Variants in GRAMD1B observed in about 807,000 individuals in gnomAD.
GRAMD1B encodes the protein GRAM domain containing 1B.
GRAMD1B carries 37 observed loss-of-function variants against 99.7 expected under a neutral mutation model. That is an observed-to-expected ratio of 0.37 (90% CI 0.29 to 0.49). GRAMD1B has a LOEUF of 0.49. Among genes scored for constraint, GRAMD1B ranks in the 20% least tolerant of loss-of-function variants. The pLI is 0.98. For synonymous variants in GRAMD1B, 427 were observed against 387.6 expected (o/e 1.10, Z -1.19); for missense variants, 888 against 1,009.2 (o/e 0.88, Z 1.63).
chr11:123,543,616 A>G (rs1324911383), intron 2 of GRAMD1B, among the ~76,000 whole-genome samples: 1 of 152,260 alleles, frequency 6.6e-6, no homozygotes, highest in Non-Finnish European at 1.5e-5. Flanking sequence ...AAGTCAGTGC[A>G]GTTGGCTGGT....
intron 2 of GRAMD1B, among the ~76,000 whole-genome samples, chr11:123,529,292 T>C (rs1167559091): frequency 1.3e-5 from 2 of 152,154 alleles, no homozygotes. Flanking sequence ...GTAATTGAAA[T>C]GTGAGGGAGG....
In GRAMD1B at chr11:123,462,305, G is replaced by A. The variant is rs187841112; in HGVS notation, c.375-18511G>A. On this transcript the variant is annotated intron_variant, in intron 1 of 19. Coordinates refer to ENST00000635736, the MANE Select transcript of GRAMD1B (RefSeq NM_001387025.1). ...TTTCTATGGTTTCACCTGTGGCTTT[G>A]TGACCTCAGTGGCAGGTGCCATCCC... Among the ~76,000 whole-genome samples, 37 of 152,280 alleles carry A rather than the reference G, an allele frequency of 2.4e-4. No individual in the cohort carries two copies. In the East Asian group the frequency reaches 5.4e-3, roughly 22 times the overall value.
chr11:123,413,986 G>A (rs1948140895), intron 1 of GRAMD1B, among the ~76,000 whole-genome samples: 1 of 151,970 alleles, frequency 6.6e-6, no homozygotes, highest in East Asian at 1.9e-4. Context: ...CTGTACAGTG[G>A]ATGATCTCAG....
chr11:123,578,316 C>A, intron 3 of GRAMD1B: 1 of 1,065,888 alleles, frequency 9.4e-7, no homozygotes. Flanking sequence ...TGGGAGCTGG[C>A]TTCCCACTTG....
chr11:123,446,004 A>G (rs1034888206), intron 1 of GRAMD1B, among the ~76,000 whole-genome samples: 1 of 152,210 alleles, frequency 6.6e-6, no homozygotes, highest in Non-Finnish European at 1.5e-5. Context: ...TGTTTTGTGA[A>G]GATGGAAGAA....
At chr11:123,584,288 T>G in intron 3 of GRAMD1B, 24 bp from the exon 4 acceptor site, 1 of 933,376 alleles carries the variant, frequency 1.1e-6, no homozygotes, top group Non-Finnish European at 1.4e-6. Context: ...TAATTCTACC[T>G]TCTCTTTCAT....
rs1953351988 is a variant in GRAMD1B at position 123,610,212 on chromosome 11, G to T, written c.1793G>T (p.Ser598Ile). 1.2e-6 allele frequency: 2 copies of T among 1,613,822 alleles called. No individual in the cohort carries two copies. Among genetic ancestry groups the T allele is most frequent in the African/African-American group, 2.7e-5 (2 of 74,904 alleles). ...VRETQTMYKA[S>I]QESECYVIDA... ...TGCCCGCAGACCATGTACAAGGCGA[G>T]CCAGGAGAGTGAATGTTACGTGATA... Residue 598 changes from serine (S) to isoleucine (I), a missense_variant, in exon 14 of 20, where the codon AGC becomes ATC. Physicochemically the swap from Ser to Ile is moderately radical, Grantham distance 142 (BLOSUM62 -2). This residue lies in a region of GRAMD1B where 92 missense variants were observed against 156.9 expected (regional missense o/e 0.59). Coordinates refer to ENST00000635736, the MANE Select transcript of GRAMD1B (RefSeq NM_001387025.1). This position sits in a 1 kb window ranked among gnomAD's most constrained non-coding sequence, Gnocchi z 4.1.
At position 123,471,384 on chromosome 11, in the gene GRAMD1B, A is replaced by G. The variant is rs577606937; in HGVS notation, c.375-9432A>G. ...ATACCCAGTATCTAGATTCTAGAAC[A>G]ATGCTTAGTACATAGTTGATGCTTG... On this transcript the variant is annotated intron_variant, in intron 1 of 19. Coordinates refer to ENST00000635736, the MANE Select transcript of GRAMD1B (RefSeq NM_001387025.1). 2.0e-4 allele frequency among the ~76,000 whole-genome samples: 30 copies of G among 152,344 alleles called. 1 individual carries two copies. In the South Asian group the frequency reaches 6.2e-3, roughly 32 times the overall value.
intron 2 of GRAMD1B, among the ~76,000 whole-genome samples, chr11:123,536,181 G>A (rs1033468379): frequency 2.6e-5 from 4 of 152,164 alleles, no homozygotes; most frequent in African/African-American, 9.7e-5. Flanking sequence ...TTGGGAGGCT[G>A]GGGCAGGTGG....
chr11:123,394,549 A>G (rs954883144), intron 1 of GRAMD1B, among the ~76,000 whole-genome samples: 1 of 145,838 alleles, frequency 6.9e-6, no homozygotes, highest in South Asian at 2.1e-4. Flanking sequence ...TCTTTCTCCC[A>G]TCTCTCTTCT....
chr11:123,415,095 CTTTTTTTTTTT>C (rs1175202539), intron 1 of GRAMD1B, among the ~76,000 whole-genome samples: 3 of 75,832 alleles, frequency 4.0e-5, no homozygotes, highest in African/African-American at 5.3e-5. Flanking sequence ...CTTTTTCTTT[CTTTTTTTTTTT>C]TTTTTTTTTT....
rs118000101 is a variant in GRAMD1B at position 123,431,015 on chromosome 11, C to T, written c.223C>T (p.Leu75=). 258 of 702,996 alleles carry T rather than the reference C, an allele frequency of 3.7e-4. 4 individuals carry two copies. The East Asian group carries it at 6.9e-3, about 19-fold the overall frequency. The allele number at this position is 702,996 out of a possible 1,614,324, so 43.5% of individuals were successfully genotyped here. ...PAVLAPGKEF[L]QLPSIEITPS... Reference sequence around the variant, plus strand: ...CGTCTTGGCCCCCGGCAAGGAGTTCCTGCAGCTGCCGTCCATCGAGATCAC... The same window carrying T: ...CGTCTTGGCCCCCGGCAAGGAGTTCTTGCAGCTGCCGTCCATCGAGATCAC... Residue 75 remains leucine, a synonymous_variant, in exon 1 of 20, where the codon CTG becomes TTG. Coordinates refer to ENST00000635736, the MANE Select transcript of GRAMD1B (RefSeq NM_001387025.1).
At chr11:123,461,022 A>G (rs1345775650) in intron 1 of GRAMD1B, among the ~76,000 whole-genome samples, 1 of 152,036 alleles carries the variant, frequency 6.6e-6, no homozygotes, top group Non-Finnish European at 1.5e-5. Flanking sequence ...TTGGCTTTTT[A>G]AGAGGTTTGG....
chr11:123,450,479 G>A (rs997469314), intron 1 of GRAMD1B, among the ~76,000 whole-genome samples: 3 of 152,156 alleles, frequency 2.0e-5, no homozygotes, highest in Admixed American at 1.3e-4. Context: ...GCCCTACAGG[G>A]GCTTCTCTAG....
At chr11:123,543,174 G>A (rs994556957) in intron 2 of GRAMD1B, among the ~76,000 whole-genome samples, 1 of 152,146 alleles carries the variant, frequency 6.6e-6, no homozygotes, top group Non-Finnish European at 1.5e-5. Flanking sequence ...ACACATCTCA[G>A]AGAGCCTTCT....
chr11:123,592,129 T>C (rs554500308), intron 4 of GRAMD1B, among the ~76,000 whole-genome samples: 1 of 152,170 alleles, frequency 6.6e-6, no homozygotes, highest in African/African-American at 2.4e-5. Flanking sequence ...GTGTTTGGGG[T>C]CTCCTGGTCG....
At chr11:123,442,866 C>T (rs111776768) in intron 1 of GRAMD1B, among the ~76,000 whole-genome samples, 1 of 150,176 alleles carries the variant, frequency 6.7e-6, no homozygotes, top group African/African-American at 2.5e-5. Flanking sequence ...TGCCCCCCCC[C>T]ACCCCTTTTA....
intron 1 of GRAMD1B, among the ~76,000 whole-genome samples, chr11:123,446,061 T>C (rs1949631006): frequency 6.6e-6 from 1 of 152,210 alleles, no homozygotes; most frequent in African/African-American, 2.4e-5. Context: ...CAAGACTCAC[T>C]GTTGCTCAGC....
chr11:123,399,762 C>T (rs1234465643), intron 1 of GRAMD1B, among the ~76,000 whole-genome samples: 4 of 152,024 alleles, frequency 2.6e-5, no homozygotes, highest in Non-Finnish European at 5.9e-5. Context: ...TGTGCACCAC[C>T]CACCACGCCA....
Sources: gnomAD v4.1 joint callset for allele counts (sites outside exome capture counted in the v4.1 genomes callset) on GRCh38, gnomAD v4.1.1 for gene constraint, gnomAD v4.1.1 regional missense constraint, Gnocchi (gnomAD v3.1) non-coding constraint, MANE v1.5 for transcripts, NCBI Gene and HGNC (gene_info 2026-07-23, HGNC 2026-07-21) for gene names.